The following SVOPL variants were observed in gnomAD, a reference collection of about 807,000 sequenced individuals.
SVOPL encodes SVOP like.
SVOPL carries 60 observed loss-of-function variants against 61.0 expected under a neutral mutation model. The ratio of observed to expected loss-of-function variants is 0.98; its 90% CI spans 0.80 to 1.22. The LOEUF is 1.22. Among genes scored for constraint, SVOPL ranks in the 50% most tolerant of loss-of-function variants. SVOPL has a pLI of 0.00. For synonymous variants in SVOPL, 279 were observed against 250.0 expected (o/e 1.12, Z -1.09); for missense variants, 662 against 643.9 (o/e 1.03, Z -0.30).
At chr7:138,640,233 T>C (rs891222757) in intron 9 of SVOPL, among the ~76,000 whole-genome samples, 3 of 143,856 alleles carry the variant, frequency 2.1e-5, no homozygotes, top group African/African-American at 7.6e-5. Flanking sequence ...TTTTTTTTTA[T>C]ATTTATTTAT....
At position 138,701,299 on chromosome 7, in the gene SVOPL, C is replaced by T. The variant is rs1234274486; in HGVS notation, c.-156G>A. On this transcript the variant is annotated 5_prime_UTR_variant, in exon 1 of 16. Transcript: ENST00000674285. Reference sequence around the variant, plus strand: ...TCAGGGGTGGCCAGACTTGTGTTCCCAAGACGCCTGGCTCCCTGGTCTTAT... The same window carrying T: ...TCAGGGGTGGCCAGACTTGTGTTCCTAAGACGCCTGGCTCCCTGGTCTTAT... The T allele has an allele frequency of 6.6e-6, 1 of 152,178 alleles. No homozygotes were observed. Among genetic ancestry groups the T allele is most frequent in the Non-Finnish European group, 1.5e-5 (1 of 68,048 alleles). 9.4% of individuals were successfully genotyped at this position (152,178 alleles called of 1,614,324 possible).
chr7:138,649,481 G>A (rs1801314135), intron 7 of SVOPL, among the ~76,000 whole-genome samples: 1 of 151,842 alleles, frequency 6.6e-6, no homozygotes, highest in South Asian at 2.1e-4. Context: ...ATTTTTAGTA[G>A]AGACAGGATT....
chr7:138,624,841 T>C (rs1042654367), intron 13 of SVOPL, among the ~76,000 whole-genome samples: 2 of 151,930 alleles, frequency 1.3e-5, no homozygotes, highest in Non-Finnish European at 2.9e-5. Context: ...GTAGCTACAA[T>C]TACAGGTACA....
intron 14 of SVOPL, among the ~76,000 whole-genome samples, chr7:138,612,453 A>T (rs1799093315): frequency 5.1e-5 from 1 of 19,508 alleles, no homozygotes; most frequent in Non-Finnish European, 1.5e-4. Context: ...AAAATAAAAA[A>T]AAAAAAAAAA....
intron 14 of SVOPL, among the ~76,000 whole-genome samples, chr7:138,617,596 C>T (rs747372414): frequency 6.6e-6 from 1 of 152,082 alleles, no homozygotes; most frequent in Non-Finnish European, 1.5e-5. Context: ...CACCTGTAAT[C>T]CCAGCACTTT....
chr7:138,674,855 CAAAA>C (rs34086254), intron 3 of SVOPL, among the ~76,000 whole-genome samples: 16 of 134,484 alleles, frequency 1.2e-4, no homozygotes, highest in African/African-American at 3.2e-4. Flanking sequence ...GACTCCATCT[CAAAA>C]AAAAAAAAAA....
chr7:138,606,971 C>A (rs79695130), intron 14 of SVOPL, among the ~76,000 whole-genome samples: 7,952 of 77,036 alleles, frequency 0.1, 270 homozygotes, highest in Non-Finnish European at 0.15. Flanking sequence ...CAAAACAAAA[C>A]AAAAAAAGAA....
chr7:138,692,988 A>C (rs1802976841), intron 1 of SVOPL, among the ~76,000 whole-genome samples: 1 of 152,164 alleles, frequency 6.6e-6, no homozygotes, highest in Admixed American at 6.6e-5. Flanking sequence ...CATAATAAGG[A>C]CTAGAGCTAT....
intron 4 of SVOPL, chr7:138,664,258 A>G: frequency 2.0e-6 from 2 of 981,836 alleles, no homozygotes; most frequent in Non-Finnish European, 2.4e-6. Context: ...CGCGCGCCTA[A>G]CCCTCCAGCG....
chr7:138,660,529 T>A (rs1483629872), intron 5 of SVOPL: 2 of 985,918 alleles, frequency 2.0e-6, no homozygotes, highest in African/African-American at 3.5e-5. Context: ...TGGCTATAAA[T>A]GTTCCAGTGG....
Position 138,628,269 on chromosome 7 carries a change from C to A in SVOPL, c.958G>T (p.Val320Leu), listed in dbSNP as rs1196051333. The A allele has an allele frequency of 6.2e-7, 1 of 1,614,098 alleles. No individual in the cohort carries two copies. The highest frequency in any genetic ancestry group is 8.5e-7 in the Non-Finnish European group (1 of 1,180,048). Residue 320 changes from valine to leucine, a missense_variant, in exon 11 of 16, where the codon GTG becomes TTG. Physicochemically the swap from Val to Leu is conservative, Grantham distance 32. Coordinates refer to ENST00000674285, the MANE Select transcript of SVOPL (RefSeq NM_001139456.2). Reference protein sequence around the residue: ...LVCGSKSDSAVVVTGGDSGES... With the variant: ...LVCGSKSDSALVVTGGDSGES... ...CCTGAGTCCCCCCCAGTCACCACCACCGCAGAGTCTGACTTTGAACCACAG... is the reference window on the plus strand; with the variant it reads ...CCTGAGTCCCCCCCAGTCACCACCAACGCAGAGTCTGACTTTGAACCACAG...
At chr7:138,610,333 T>A (rs369829888) in intron 14 of SVOPL, among the ~76,000 whole-genome samples, 19 of 152,146 alleles carry the variant, frequency 1.2e-4, no homozygotes, top group African/African-American at 4.6e-4. Flanking sequence ...ACTATGATAT[T>A]TGGGTGAAAT....
chr7:138,604,677 C>CAAAAAAAAAAA (rs5887890), intron 14 of SVOPL, among the ~76,000 whole-genome samples: 1 of 58,790 alleles, frequency 1.7e-5, no homozygotes, highest in Non-Finnish European at 2.9e-5. Context: ...AACTTTATCT[C>CAAAAAAAAAAA]AAAAAAAAAA....
At chr7:138,638,056 T>C (rs753236759) in intron 9 of SVOPL, among the ~76,000 whole-genome samples, 8 of 152,238 alleles carry the variant, frequency 5.3e-5, no homozygotes, top group Admixed American at 5.2e-4. Context: ...GGTGGATCAC[T>C]TGAGGTCAGG....
In SVOPL at chr7:138,634,286, T is replaced by C. The variant is rs541186330; in HGVS notation, c.790-4164A>G. Among the ~76,000 whole-genome samples the C allele has an allele frequency of 2.1e-4, 32 of 152,240 alleles. 1 individual carries two copies. The South Asian group carries it at 6.6e-3, about 32-fold the overall frequency. ...CTTTAGGAGGCAGAGATGAGAGGACTGCTTGAGGCCAGGATTTGAGACCAG... is the reference window on the plus strand; with the variant it reads ...CTTTAGGAGGCAGAGATGAGAGGACCGCTTGAGGCCAGGATTTGAGACCAG... On this transcript the variant is annotated intron_variant, in intron 9 of 15. Transcript: ENST00000674285.
chr7:138,677,243 G>A (rs1345816211), intron 3 of SVOPL, among the ~76,000 whole-genome samples: 1 of 152,090 alleles, frequency 6.6e-6, no homozygotes, highest in Admixed American at 6.6e-5. Context: ...CTGGACTGGA[G>A]AGCCCAGAGC....
chr7:138,700,328 C>T (rs948724016), intron 1 of SVOPL, among the ~76,000 whole-genome samples: 22 of 131,988 alleles, frequency 1.7e-4, no homozygotes, highest in African/African-American at 5.0e-4. Flanking sequence ...TCTTTGGTTC[C>T]GTATGTCTTT....
At chr7:138,686,220 T>C (rs1278986867) in intron 1 of SVOPL, among the ~76,000 whole-genome samples, 1 of 151,920 alleles carries the variant, frequency 6.6e-6, no homozygotes, top group Non-Finnish European at 1.5e-5. Context: ...CTGGCCAACC[T>C]GGTGAAAACC....
At chr7:138,662,652 G>A (rs564141905) in intron 5 of SVOPL, 6 of 1,000,582 alleles carry the variant, frequency 6.0e-6, no homozygotes, top group East Asian at 1.0e-4. Flanking sequence ...ATGGAGAACA[G>A]ATGTGTGCCC....
Sources: allele counts gnomAD v4.1 joint callset (sites outside exome capture counted in the v4.1 genomes callset), GRCh38; gene constraint gnomAD v4.1.1; transcripts MANE v1.5; gene names NCBI Gene and HGNC (gene_info 2026-07-23, HGNC 2026-07-21).